RBPJ: variants seen among roughly 807,000 people sequenced by gnomAD.
The protein encoded by RBPJ is recombination signal binding protein for immunoglobulin kappa J region.
A neutral mutation model predicts 67.8 loss-of-function variants in RBPJ; 9 were observed. The ratio of observed to expected loss-of-function variants is 0.13; its 90% confidence interval spans 0.08 to 0.23. RBPJ has a LOEUF of 0.23. Ranked by LOEUF, RBPJ falls within the 10% of genes least tolerant of loss-of-function variation. The probability of loss-of-function intolerance (pLI) is 1.00; values close to 1 mark genes in which losing one functional copy is unlikely to be tolerated. For synonymous variants in RBPJ, 198 were observed against 203.3 expected, an observed-to-expected ratio of 0.97 and a Z score of 0.22; for missense variants, 305 against 595.6, an observed-to-expected ratio of 0.51 and a Z score of 5.08.
At chr4:26,332,769 C>T (rs1724393435) in intron 1 of RBPJ, among the ~76,000 whole-genome samples, 1 of 152,174 alleles carries the variant, frequency 6.6e-6, no homozygotes, top group African/African-American at 2.4e-5. Flanking sequence ...ATGTCAGCCT[C>T]CCAGGTAGCT....
chr4:26,156,758 G>A, the RBPJ span, among the ~76,000 whole-genome samples: 3 of 151,990 alleles, frequency 2.0e-5, no homozygotes, highest in Non-Finnish European at 2.9e-5. Flanking sequence ...CCCAGCATAG[G>A]TTATAATTTC....
At chr4:26,243,696 A>G (rs1266291170) in intron 1 of RBPJ, among the ~76,000 whole-genome samples, 1 of 152,230 alleles carries the variant, frequency 6.6e-6, no homozygotes, top group Non-Finnish European at 1.5e-5. Context: ...TTATGGTTTC[A>G]GATTCCACAT....
intron 1 of RBPJ, chr4:26,367,733 CAGATGTTTGCTTTATAG>C (rs1322638184): frequency 1.3e-5 from 2 of 152,176 alleles, no homozygotes; most frequent in African/African-American, 4.8e-5. Flanking sequence ...CTCATAACAG[CAGATGTTTGCTTTATAG>C]ATTTATTGAG....
At chr4:26,389,161 G>A (rs1427857538) in intron 2 of RBPJ, among the ~76,000 whole-genome samples, 1 of 151,768 alleles carries the variant, frequency 6.6e-6, no homozygotes, top group Non-Finnish European at 1.5e-5. Context: ...CCCAGGAGAC[G>A]GAGGTTGCAG....
At chr4:26,366,256 T>C (rs1265107392) in intron 1 of RBPJ, among the ~76,000 whole-genome samples, 2 of 152,034 alleles carry the variant, frequency 1.3e-5, no homozygotes, top group African/African-American at 2.4e-5. Flanking sequence ...TTAAGACAAA[T>C]ATTACCAGAT....
At chr4:26,217,097 G>A (rs749581567) in intron 1 of RBPJ, among the ~76,000 whole-genome samples, 4 of 152,156 alleles carry the variant, frequency 2.6e-5, no homozygotes, top group Non-Finnish European at 5.9e-5. Context: ...GGCTGGCAGA[G>A]GTAGAGTGGA....
At chr4:26,427,575 G>A (rs1436030237) in intron 7 of RBPJ, among the ~76,000 whole-genome samples, 3 of 152,196 alleles carry the variant, frequency 2.0e-5, no homozygotes, top group Non-Finnish European at 4.4e-5. Flanking sequence ...AGCAAAATGT[G>A]TTGAGAGCTT....
chr4:26,279,827 G>A (rs1193176583), intron 1 of RBPJ, among the ~76,000 whole-genome samples: 11 of 133,082 alleles, frequency 8.3e-5, no homozygotes, highest in Admixed American at 2.6e-4. Context: ...TTGTTTTGTC[G>A]CCCAGGCTGG....
At chr4:26,116,547 T>C in the RBPJ span, among the ~76,000 whole-genome samples, 2 of 152,222 alleles carry the variant, frequency 1.3e-5, no homozygotes, top group East Asian at 1.9e-4. Flanking sequence ...CATGGACTCA[T>C]GGGACTGTCC....
In RBPJ at chr4:26,432,250, G is replaced by C. The variant is rs1736305120; in HGVS notation, c.*1243G>C. The C allele has an allele frequency of 6.6e-6, 1 of 152,240 alleles. No individual in the cohort carries two copies. Among genetic ancestry groups the C allele is most frequent in the Non-Finnish European group, 1.5e-5 (1 of 68,112 alleles). The allele number at this position is 152,240 out of a possible 1,614,324, so 9.4% of individuals were successfully genotyped here. A position where few individuals can be genotyped will look rare whatever the true frequency, so the allele number is the denominator to read the frequency against. On this transcript the variant is annotated 3_prime_UTR_variant, in exon 11 of 11. Coordinates refer to ENST00000355476, the MANE Select transcript of RBPJ (RefSeq NM_015874.6). ...ATCTTTACTTTTTTGGGGGGTTGGA[G>C]GGGGTAGCCTAGCCAGAACATCATT...
the RBPJ span, among the ~76,000 whole-genome samples, chr4:26,139,838 C>A: frequency 6.6e-6 from 1 of 152,164 alleles, no homozygotes; most frequent in African/African-American, 2.4e-5. Flanking sequence ...TGTTTCTGTA[C>A]TTAATTTTTA....
chr4:26,301,279 A>G (rs895729089), intron 1 of RBPJ, among the ~76,000 whole-genome samples: 1 of 152,090 alleles, frequency 6.6e-6, no homozygotes, highest in Non-Finnish European at 1.5e-5. Context: ...TCCTTTAATA[A>G]CTGTTCTGGG....
rs544048498 is a variant in RBPJ at position 26,267,153 on chromosome 4, T to G, written c.-166-95293T>G. ...CTTCCTGGGGCTCAGTTGAGTTTGA[T>G]GGATTTCAAAATTCAAGCTGTAAAA... On this transcript the variant is annotated intron_variant, in intron 1 of 4. Coordinates refer to the RBPJ transcript ENST00000512351. 3.3e-5 allele frequency among the ~76,000 whole-genome samples: 5 copies of G among 152,300 alleles called. No individual in the cohort carries two copies. The South Asian group carries it at 1.0e-3, about 32-fold the overall frequency.
intron 5 of RBPJ, 135 bp downstream of exon 5, chr4:26,420,860 C>T: frequency 2.9e-6 from 2 of 697,812 alleles, no homozygotes; most frequent in Non-Finnish European, 4.6e-6. Context: ...TTTATTGTCT[C>T]TCTTTTTTTA....
chr4:26,385,489 A>G (rs918360235), intron 1 of RBPJ, among the ~76,000 whole-genome samples: 4 of 152,170 alleles, frequency 2.6e-5, no homozygotes, highest in South Asian at 4.1e-4. Context: ...AACCCAGCCA[A>G]TCTTACTCTA....
At chr4:26,400,283 C>T (rs1732637055) in intron 2 of RBPJ, among the ~76,000 whole-genome samples, 1 of 152,188 alleles carries the variant, frequency 6.6e-6, no homozygotes, top group Non-Finnish European at 1.5e-5. Context: ...TTGGCACCAT[C>T]TGGAGACATT....
At position 26,189,031 on chromosome 4, in the gene RBPJ, C is replaced by T. The variant is rs187100012; in HGVS notation, c.-167+25417C>T. On this transcript the variant is annotated intron_variant, in intron 1 of 4. Coordinates refer to the RBPJ transcript ENST00000512351. ...GTCTTTCCTTAAGCTGTGTGTGTGA[C>T]CTTGGGAGTAAATGAGAATTATGTT... 1.1e-4 allele frequency among the ~76,000 whole-genome samples: 17 copies of T among 152,156 alleles called. No individual in the cohort carries two copies. In the East Asian group the frequency reaches 3.3e-3, roughly 29 times the overall value.
At chr4:26,397,243 A>C (rs999706828) in intron 2 of RBPJ, among the ~76,000 whole-genome samples, 5 of 152,190 alleles carry the variant, frequency 3.3e-5, no homozygotes, top group African/African-American at 1.2e-4. Context: ...TGTCTGAGGC[A>C]GTGTAAAAGG....
chr4:26,302,464 G>A (rs1722105717), intron 1 of RBPJ, among the ~76,000 whole-genome samples: 1 of 152,060 alleles, frequency 6.6e-6, no homozygotes, highest in African/African-American at 2.4e-5. Flanking sequence ...CTCTGGAATG[G>A]CCTACAAGTA....
Sources: allele counts gnomAD v4.1 joint callset (sites outside exome capture counted in the v4.1 genomes callset), GRCh38; gene constraint gnomAD v4.1.1; transcripts MANE v1.5; gene names NCBI Gene and HGNC (gene_info 2026-07-23, HGNC 2026-07-21).